SLIT2: variants seen among roughly 807,000 people sequenced by gnomAD.
The protein encoded by SLIT2 is slit homolog 2 protein.
Under a neutral mutation model 185.7 loss-of-function variants are expected in SLIT2, and 41 were observed. That is an observed-to-expected ratio of 0.22 (90% CI 0.17 to 0.29). The LOEUF (loss-of-function observed/expected upper bound fraction) is 0.29, where lower values mean the gene tolerates loss of function less well. SLIT2 is among the 10% of genes least tolerant of loss of function. The probability of loss-of-function intolerance (pLI) is 1.00; values close to 1 mark genes in which losing one functional copy is unlikely to be tolerated. For missense variants in SLIT2, 1,571 were observed against 1,909.0 expected (o/e 0.82, Z 3.30); for synonymous variants, 693 against 680.2 (o/e 1.02, Z -0.29).
At position 20,461,422 on chromosome 4, in the gene SLIT2, G is replaced by A. The variant is rs1713696614; in HGVS notation, c.396-6330G>A. 2.6e-5 allele frequency among the ~76,000 whole-genome samples: 4 copies of A among 152,266 alleles called. No homozygotes were observed. The South Asian group carries it at 8.3e-4, about 32-fold the overall frequency. On this transcript the variant is annotated intron_variant, in intron 4 of 36. Transcript: ENST00000504154. ...AAAAATAGATAAGGTCAAAAAGGGT[G>A]TGCTGATCAGATTTTGGGGGGAATT... is the stretch of plus-strand genomic sequence containing the variant.
chr4:20,265,257 A>G (rs189269469), intron 3 of SLIT2, among the ~76,000 whole-genome samples: 1 of 152,116 alleles, frequency 6.6e-6, no homozygotes, highest in African/African-American at 2.4e-5. Flanking sequence ...TAAATTTTAA[A>G]TAAATGCTCT....
At chr4:20,562,223 T>C (rs1724752815) in intron 26 of SLIT2, among the ~76,000 whole-genome samples, 2 of 151,880 alleles carry the variant, frequency 1.3e-5, no homozygotes. Flanking sequence ...TACTTATCTT[T>C]ATTTGCTGTC....
At chr4:20,263,896 A>G (rs1386226587) in intron 3 of SLIT2, among the ~76,000 whole-genome samples, 1 of 151,848 alleles carries the variant, frequency 6.6e-6, no homozygotes, top group Non-Finnish European at 1.5e-5. Flanking sequence ...TAAAGTGTAT[A>G]TATGATCCAT....
intron 4 of SLIT2, among the ~76,000 whole-genome samples, chr4:20,342,767 G>T (rs1485412660): frequency 1.6e-5 from 2 of 121,892 alleles, no homozygotes; most frequent in Non-Finnish European, 1.6e-5. Flanking sequence ...TCTAATGTCG[G>T]TCCATGTGCT....
In SLIT2 at chr4:20,273,123, G is replaced by T. The variant is rs1713800735; in HGVS notation, c.395+4242G>T. 3.3e-5 allele frequency among the ~76,000 whole-genome samples: 5 copies of T among 151,880 alleles called. No individual in the cohort carries two copies. The South Asian group carries it at 1.0e-3, about 32-fold the overall frequency. On this transcript the variant is annotated intron_variant, in intron 4 of 36. Transcript: ENST00000504154. The stretch of plus-strand genomic sequence containing the variant: ...TTTTATTAAGGTAATCAATTAATTT[G>T]TTCAGCATAACAAATATATATAATT...
intron 4 of SLIT2, among the ~76,000 whole-genome samples, chr4:20,445,464 C>T (rs188085749): frequency 3.3e-5 from 5 of 152,244 alleles, no homozygotes; most frequent in Non-Finnish European, 5.9e-5. Flanking sequence ...GAAAACTGAA[C>T]GAGAATTAGG....
intron 4 of SLIT2, among the ~76,000 whole-genome samples, chr4:20,371,007 T>C (rs931043782): frequency 1.3e-5 from 2 of 152,094 alleles, no homozygotes; most frequent in African/African-American, 4.8e-5. Flanking sequence ...TTTCAACAGA[T>C]TGCCACTGTT....
At chr4:20,575,992 G>A (rs12501848) in intron 29 of SLIT2, among the ~76,000 whole-genome samples, 3,831 of 152,250 alleles carry the variant, frequency 0.025, 110 homozygotes, top group Admixed American at 0.082. Context: ...CTGTGAAAGA[G>A]GAATAATGAT....
chr4:20,524,350 C>G (rs1012519723), intron 14 of SLIT2, among the ~76,000 whole-genome samples, 173 bp downstream of exon 14: 3 of 152,194 alleles, frequency 2.0e-5, no homozygotes, highest in Non-Finnish European at 2.9e-5. Flanking sequence ...AATAATACTT[C>G]TATATGTAAC....
chr4:20,511,977 G>A (rs1243567378), intron 11 of SLIT2, among the ~76,000 whole-genome samples: 5 of 151,930 alleles, frequency 3.3e-5, no homozygotes, highest in South Asian at 4.2e-4. Context: ...GAGAACCTTC[G>A]AAAGATAGCT....
intron 4 of SLIT2, among the ~76,000 whole-genome samples, chr4:20,414,964 C>A (rs1238275924): frequency 1.3e-5 from 2 of 152,054 alleles, no homozygotes; most frequent in African/African-American, 4.8e-5. Flanking sequence ...TATTTTTATT[C>A]TATTTTTTCC....
intron 26 of SLIT2, 122 bp from the exon 27 acceptor site, chr4:20,567,140 C>G (rs1487217376): frequency 1.8e-5 from 16 of 880,402 alleles, no homozygotes; most frequent in Non-Finnish European, 2.5e-5. Flanking sequence ...GGATGAGAGA[C>G]ACATATAGAT....
chr4:20,593,134 T>C (rs187920574), intron 30 of SLIT2, among the ~76,000 whole-genome samples: 1 of 152,094 alleles, frequency 6.6e-6, no homozygotes, highest in South Asian at 2.1e-4. Flanking sequence ...GACTAAACCA[T>C]AAAAGCTTTT....
At chr4:20,376,325 C>A (rs908468374) in intron 4 of SLIT2, among the ~76,000 whole-genome samples, 3 of 151,728 alleles carry the variant, frequency 2.0e-5, no homozygotes, top group African/African-American at 7.3e-5. Flanking sequence ...TAGTTCTAAC[C>A]TATAGGGACC....
At chr4:20,390,421 A>G (rs1325559398) in intron 4 of SLIT2, among the ~76,000 whole-genome samples, 4 of 152,144 alleles carry the variant, frequency 2.6e-5, no homozygotes, top group Admixed American at 2.6e-4. Context: ...TGATAGGAAA[A>G]ATAATACAGA....
At chr4:20,276,488 T>C (rs1417010677) in intron 4 of SLIT2, among the ~76,000 whole-genome samples, 1 of 152,142 alleles carries the variant, frequency 6.6e-6, no homozygotes, top group African/African-American at 2.4e-5. Context: ...GGGTACAGCA[T>C]AGAGGTGTGA....
rs755052779 is a variant in SLIT2, at chr4:20,617,052, GCC to G, written c.3991_3992del (p.Pro1331TrpfsTer3). 1 of 1,614,196 alleles carries G rather than the reference GCC, an allele frequency of 6.2e-7. No individual in the cohort carries two copies. On this transcript the variant is annotated frameshift_variant, in exon 35 of 37. Transcript: ENST00000504154. LOFTEE classifies it high-confidence loss of function. ...AGGTGCCGATGCAAACAGGCATTTTGCCTGGCTGTGAGCCATGCCACAAGAAG... is the reference window on the plus strand; with the variant it reads ...AGGTGCCGATGCAAACAGGCATTTTGTGGCTGTGAGCCATGCCACAAGAAG... Reference protein sequence around the residue: ...QKVPMQTGILPGCEPCHKKVC... With the variant: ...QKVPMQTGILXGCEPCHKKVC...
intron 6 of SLIT2, among the ~76,000 whole-genome samples, chr4:20,482,347 C>T (rs1289331739): frequency 2.6e-5 from 4 of 151,894 alleles, no homozygotes; most frequent in African/African-American, 9.7e-5. Flanking sequence ...TGTATTTATT[C>T]AATATATGTA....
intron 26 of SLIT2, among the ~76,000 whole-genome samples, chr4:20,556,998 G>A (rs1054164302): frequency 2.6e-5 from 4 of 152,032 alleles, no homozygotes; most frequent in South Asian, 2.1e-4. Flanking sequence ...CTAACCTAAA[G>A]CAAGGCCCCA....
Sources: allele counts gnomAD v4.1 joint callset (sites outside exome capture counted in the v4.1 genomes callset), GRCh38; gene constraint gnomAD v4.1.1; transcripts MANE v1.5; gene names NCBI Gene and HGNC (gene_info 2026-07-23, HGNC 2026-07-21).